The following ADCY3 variants were observed in gnomAD, a reference collection of about 807,000 sequenced individuals.
ADCY3 encodes the protein adenylate cyclase type 3.
ADCY3 carries 70 observed loss-of-function variants against 119.4 expected under a neutral mutation model. That is an observed-to-expected ratio of 0.59 (90% CI 0.48 to 0.72). The LOEUF is 0.72. Among genes scored for constraint, ADCY3 ranks in the 30% least tolerant of loss-of-function variants. ADCY3 has a pLI of 0.00. For missense variants in ADCY3, 1,238 were observed against 1,541.6 expected (o/e 0.80, Z 3.30); for synonymous variants, 672 against 621.4 (o/e 1.08, Z -1.21).
At chr2:24,877,633 TG>T (rs1301092241) in intron 2 of ADCY3, among the ~76,000 whole-genome samples, 2 of 152,036 alleles carry the variant, frequency 1.3e-5, no homozygotes, top group Non-Finnish European at 2.9e-5. Flanking sequence ...TAAAGAAAGA[TG>T]GGGGTCTCTC....
chr2:24,889,376 A>G (rs562434683), intron 2 of ADCY3, among the ~76,000 whole-genome samples: 4 of 152,364 alleles, frequency 2.6e-5, no homozygotes, highest in African/African-American at 9.6e-5. Context: ...CTCAACTCCC[A>G]GACATTGTGA....
Position 24,910,791 on chromosome 2 carries a change from C to T in ADCY3, c.675+7522G>A, listed in dbSNP as rs549703813. 2.0e-4 allele frequency among the ~76,000 whole-genome samples: 30 copies of T among 151,908 alleles called. 1 individual carries two copies. The South Asian group carries it at 5.8e-3, about 30-fold the overall frequency. ...CCTCCCCAGTAGCTGGGACTACAGG[C>T]GTGCATCACCACGCCCGGCTGATTT... On this transcript the variant is annotated intron_variant, in intron 2 of 21. Coordinates refer to ENST00000679454, the MANE Select transcript of ADCY3 (RefSeq NM_004036.5).
rs919336331 is a variant in ADCY3, at chr2:24,827,963, T to C, written c.2371A>G (p.Asn791Asp). The C allele has an allele frequency of 3.1e-6, 5 of 1,614,088 alleles. No homozygotes were observed. Among genetic ancestry groups the C allele is most frequent in the African/African-American group, 1.3e-5 (1 of 74,920 alleles). ...LLVAGAVATI[N>D]LYAWRPVFDE... ...AAGACGGGACGCCAGGCATAGAGGT[T>C]GATGGTGGCCACGGCGCCTGCGACG... is the stretch of plus-strand genomic sequence containing the variant. The change falls in exon 14 of 22, where the codon AAC becomes GAC. Residue 791 changes from asparagine to aspartate, a missense_variant. By Grantham distance (23) the Asn-to-Asp change is conservative. Around this residue, in one of 7 missense-constraint regions of ADCY3, gnomAD observed 499 missense variants for 571.0 expected, o/e 0.87. Transcript: ENST00000679454.
chr2:24,887,372 C>CAAAAACATTCAAACCACAACAGCTCTCAA (rs1677154212), intron 2 of ADCY3, among the ~76,000 whole-genome samples: 1 of 152,126 alleles, frequency 6.6e-6, no homozygotes, highest in Non-Finnish European at 1.5e-5. Flanking sequence ...AAAGCCTAAC[C>CAAAAACATTCAAACCACAACAGCTCTCAA]GTATCACTTA....
intron 2 of ADCY3, among the ~76,000 whole-genome samples, chr2:24,900,182 C>A: frequency 7.3e-6 from 1 of 136,396 alleles, no homozygotes; most frequent in Non-Finnish European, 1.5e-5. Context: ...GAAATCTCGA[C>A]TCACTGCAAC....
intron 20 of ADCY3, chr2:24,821,210 G>A (rs908749328): frequency 2.3e-6 from 1 of 440,112 alleles, no homozygotes; most frequent in Non-Finnish European, 4.1e-6. Flanking sequence ...GGGAAGCCAT[G>A]TCCTCAGCAG....
At position 24,838,577 on chromosome 2, in the gene ADCY3, C is replaced by T. The variant is rs777018363; in HGVS notation, c.1401G>A (p.Glu467=). 2 of 1,614,162 alleles carry T rather than the reference C, an allele frequency of 1.2e-6. No homozygotes were observed. The highest frequency in any genetic ancestry group is 1.1e-5 in the South Asian group (1 of 91,080). Residue 467 remains glutamate, a synonymous_variant, in exon 8 of 22, where the codon GAG becomes GAA. Coordinates refer to ENST00000679454, the MANE Select transcript of ADCY3 (RefSeq NM_004036.5). ...CCCCATCGCCTGGCTCCACATCAAACTCCCCTTTCAGGCAGTCCATGGTGC... is the reference window on the plus strand; with the variant it reads ...CCCCATCGCCTGGCTCCACATCAAATTCCCCTTTCAGGCAGTCCATGGTGC... ...SQSTMDCLKG[E]FDVEPGDGGS...
At chr2:24,876,911 G>A (rs1675780961) in intron 2 of ADCY3, among the ~76,000 whole-genome samples, 2 of 152,288 alleles carry the variant, frequency 1.3e-5, no homozygotes, top group African/African-American at 2.4e-5. Flanking sequence ...CCACTCCAAG[G>A]TACGAGTGAG....
rs916052499 is a variant in ADCY3, at chr2:24,842,914, C to A, written c.826-530G>T. On this transcript the variant is annotated intron_variant, in intron 3 of 21. Transcript: ENST00000679454. The surrounding 1 kb of genome is among the most constrained non-coding windows in gnomAD (Gnocchi z 4.9). ...TCACGGGGACACAGGTAACCATGCC[C>A]AGCACAGCGCAGCATGGCAAGTTCT... Among the ~76,000 whole-genome samples the A allele has an allele frequency of 2.0e-5, 3 of 152,170 alleles. No individual in the cohort carries two copies. The highest frequency in any genetic ancestry group is 6.5e-5 in the Admixed American group (1 of 15,284).
At position 24,842,140 on chromosome 2, in the gene ADCY3, T is replaced by G. The variant is rs773420683; in HGVS notation, c.956+114A>C. The G allele has an allele frequency of 6.8e-7, 1 of 1,468,810 alleles. No individual in the cohort carries two copies. The highest frequency in any genetic ancestry group is 2.3e-5 in the East Asian group (1 of 43,234). The allele number at this position is 1,468,810 out of a possible 1,614,324, so 91.0% of individuals were successfully genotyped here. A position where few individuals can be genotyped will look rare whatever the true frequency, so the allele number is the denominator to read the frequency against. ...GGCTGATGAATGCTGTGGGAGGCCT[T>G]GCTTCTAGTCCCTGGAAAACCTCTT... On this transcript the variant is annotated intron_variant, in intron 4 of 21. Transcript: ENST00000679454. The surrounding 1 kb of genome is among the most constrained non-coding windows in gnomAD (Gnocchi z 4.9).
intron 2 of ADCY3, among the ~76,000 whole-genome samples, chr2:24,890,131 A>G (rs1338304500): frequency 2.6e-5 from 4 of 152,186 alleles, no homozygotes; most frequent in Non-Finnish European, 4.4e-5. Context: ...AAACTGCACC[A>G]ATTTTAAGAT....
chr2:24,887,102 T>C, intron 2 of ADCY3, among the ~76,000 whole-genome samples: 1 of 152,226 alleles, frequency 6.6e-6, no homozygotes, highest in East Asian at 1.9e-4. Context: ...CAGTTCAGCA[T>C]GGCTGGGAAG....
rs1664933703 is a variant in ADCY3 at position 24,920,232 on chromosome 2, G to A, written c.-747C>T. ...GGCGCCGGCGGCTCCGGGGCCACGCGCGCTCCAGGCCCCGGGAGGCGGGAG... is the reference window on the plus strand; with the variant it reads ...GGCGCCGGCGGCTCCGGGGCCACGCACGCTCCAGGCCCCGGGAGGCGGGAG... On this transcript the variant is annotated 5_prime_UTR_variant, in exon 1 of 22. Coordinates refer to ENST00000679454, the MANE Select transcript of ADCY3 (RefSeq NM_004036.5). The surrounding 1 kb of genome is among the most constrained non-coding windows in gnomAD (Gnocchi z 4.5). 7.0e-6 allele frequency among the ~76,000 whole-genome samples: 1 copy of A among 143,856 alleles called. No individual in the cohort carries two copies. Among genetic ancestry groups the A allele is most frequent in the African/African-American group, 2.5e-5 (1 of 39,542 alleles). 94.4% of individuals were successfully genotyped at this position (143,856 alleles called of 152,430 possible). A position where few individuals can be genotyped will look rare whatever the true frequency, so the allele number is the denominator to read the frequency against.
At chr2:24,832,168 C>G (rs554024767) in intron 11 of ADCY3, 19 of 212,266 alleles carry the variant, frequency 9.0e-5, no homozygotes, top group African/African-American at 4.4e-4. Context: ...TGCTGCCTGC[C>G]GTGCAGAACA....
intron 2 of ADCY3, among the ~76,000 whole-genome samples, chr2:24,880,077 T>C (rs1010996770): frequency 3.3e-5 from 5 of 152,194 alleles, no homozygotes; most frequent in African/African-American, 1.2e-4. Flanking sequence ...CCGAGCTGGG[T>C]ATCTGCCAAG....
chr2:24,919,850 G>C lies in ADCY3; in HGVS notation c.-365C>G, dbSNP rs1159676088. 6.6e-6 allele frequency: 1 copy of C among 150,994 alleles called. No homozygotes were observed. The highest frequency in any genetic ancestry group is 1.5e-5 in the Non-Finnish European group (1 of 67,650). 9.4% of individuals were successfully genotyped at this position (150,994 alleles called of 1,614,324 possible). A position where few individuals can be genotyped will look rare whatever the true frequency, so the allele number is the denominator to read the frequency against. On this transcript the variant is annotated 5_prime_UTR_variant, in exon 1 of 22. Transcript: ENST00000679454. This position sits in a 1 kb window ranked among gnomAD's most constrained non-coding sequence, Gnocchi z 5.5. ...CCGCCGTCAGGCCCGGGATCCGACC[G>C]GGAGAGGCGCAGGGCTGCCCCTCAG...
At chr2:24,883,441 A>G (rs1015540543) in intron 2 of ADCY3, among the ~76,000 whole-genome samples, 3 of 152,344 alleles carry the variant, frequency 2.0e-5, no homozygotes, top group East Asian at 1.9e-4. Flanking sequence ...CCCCATGAGG[A>G]AGGAAAGCTT....
intron 2 of ADCY3, among the ~76,000 whole-genome samples, chr2:24,892,253 CT>C (rs34728703): frequency 7.4e-4 from 107 of 144,142 alleles, no homozygotes; most frequent in Admixed American, 7.6e-4. Flanking sequence ...TGTATTGAGT[CT>C]TTTTTTTTTT....
chr2:24,824,746 G>A (rs190659436), intron 16 of ADCY3, among the ~76,000 whole-genome samples: 1,959 of 152,170 alleles, frequency 0.013, 48 homozygotes, highest in African/African-American at 0.045. Flanking sequence ...AAAATTAGCC[G>A]GGCATGGTGG....
Sources: gnomAD v4.1 joint callset for allele counts (sites outside exome capture counted in the v4.1 genomes callset) on GRCh38, gnomAD v4.1.1 for gene constraint, gnomAD v4.1.1 regional missense constraint, Gnocchi (gnomAD v3.1) non-coding constraint, MANE v1.5 for transcripts, NCBI Gene and HGNC (gene_info 2026-07-23, HGNC 2026-07-21) for gene names.